The following KCNU1 variants were observed in gnomAD, a reference collection of about 807,000 sequenced individuals.
The protein encoded by KCNU1 is potassium calcium-activated channel subfamily U member 1.
KCNU1 carries 93 observed loss-of-function variants against 126.8 expected under a neutral mutation model. The ratio of observed to expected loss-of-function variants is 0.73; its 90% CI spans 0.62 to 0.87. The LOEUF (loss-of-function observed/expected upper bound fraction) is 0.87, where lower values mean the gene tolerates loss of function less well. Ranked by LOEUF, KCNU1 falls within the 40% of genes least tolerant of loss-of-function variation. The probability of loss-of-function intolerance (pLI) is 0.00; values close to 1 mark genes in which losing one functional copy is unlikely to be tolerated. For synonymous variants in KCNU1, 523 were observed against 494.2 expected (o/e 1.06, Z -0.77); for missense variants, 1,330 against 1,367.1 (o/e 0.97, Z 0.43).
intron 20 of KCNU1, among the ~76,000 whole-genome samples, chr8:36,908,756 T>A (rs571898553): frequency 6.6e-6 from 1 of 152,132 alleles, no homozygotes; most frequent in Non-Finnish European, 1.5e-5. Context: ...GTATATTCAA[T>A]TGAACCATAT....
At chr8:36,838,189 A>G (rs947164476) in intron 14 of KCNU1, among the ~76,000 whole-genome samples, 2 of 152,214 alleles carry the variant, frequency 1.3e-5, no homozygotes, top group African/African-American at 4.8e-5. Context: ...AGCCTAGAAA[A>G]TGGTTGATAA....
intron 19 of KCNU1, among the ~76,000 whole-genome samples, chr8:36,904,472 A>G (rs1307574011): frequency 6.6e-6 from 1 of 152,172 alleles, no homozygotes; most frequent in African/African-American, 2.4e-5. Flanking sequence ...TCAACAGTCT[A>G]TTCAAATGCC....
At chr8:36,862,968 C>G (rs946800089) in intron 18 of KCNU1, among the ~76,000 whole-genome samples, 1 of 152,084 alleles carries the variant, frequency 6.6e-6, no homozygotes, top group Non-Finnish European at 1.5e-5. Flanking sequence ...GCCATTCCCC[C>G]CAGGGCAAAA....
intron 24 of KCNU1, chr8:36,922,990 G>A (rs1302497625): frequency 2.1e-6 from 1 of 468,414 alleles, no homozygotes; most frequent in Non-Finnish European, 4.2e-6. Flanking sequence ...CAGCTCATGT[G>A]GAAATTGGCC....
intron 5 of KCNU1, among the ~76,000 whole-genome samples, chr8:36,806,592 T>A (rs1339893852): frequency 1.3e-5 from 2 of 152,186 alleles, no homozygotes; most frequent in Non-Finnish European, 2.9e-5. Context: ...TGTTCAATAG[T>A]TGTTGATAGA....
chr8:36,835,378 C>G (rs1585434506), intron 12 of KCNU1, among the ~76,000 whole-genome samples: 1 of 147,340 alleles, frequency 6.8e-6, no homozygotes. Flanking sequence ...GAGTTTTGCT[C>G]TTGTTGCCTG....
intron 19 of KCNU1, among the ~76,000 whole-genome samples, chr8:36,905,460 C>CAA (rs200274541): frequency 0.058 from 8,492 of 145,270 alleles, 267 homozygotes; most frequent in East Asian, 0.099. Context: ...TAATCTAAGG[C>CAA]AAAAAAAAAA....
At chr8:36,875,853 G>A (rs907875783) in intron 19 of KCNU1, among the ~76,000 whole-genome samples, 127 of 152,106 alleles carry the variant, frequency 8.3e-4, no homozygotes, top group African/African-American at 2.9e-3. Context: ...TAAATATCCA[G>A]AGACCTTCTT....
rs149168041 is a variant in KCNU1, at chr8:36,830,238, A to G, written c.1107-3316A>G. The stretch of plus-strand genomic sequence containing the variant: ...CTGAAATAGTATAATTATTGCTGAG[A>G]CATCAAATATAACGTTGAAAAAGAG... On this transcript the variant is annotated intron_variant, in intron 10 of 26. Coordinates refer to ENST00000399881, the MANE Select transcript of KCNU1 (RefSeq NM_001031836.3). 1.9e-3 allele frequency among the ~76,000 whole-genome samples: 291 copies of G among 151,662 alleles called. 2 individuals are homozygous for G. Among genetic ancestry groups the G allele is most frequent in the African/African-American group, 6.6e-3 (275 of 41,528 alleles).
At chr8:36,923,190 T>C (rs1009993011) in intron 24 of KCNU1, 3 of 410,578 alleles carry the variant, frequency 7.3e-6, no homozygotes, top group South Asian at 1.8e-5. Flanking sequence ...TTCCCCTGGG[T>C]GGAATTAATT....
chr8:36,852,677 T>G (rs1222980004), intron 18 of KCNU1, among the ~76,000 whole-genome samples: 1 of 152,192 alleles, frequency 6.6e-6, no homozygotes, highest in African/African-American at 2.4e-5. Context: ...TCTGATCATA[T>G]AAGTATACAT....
chr8:36,925,940 A>T (rs1283184326), intron 24 of KCNU1, among the ~76,000 whole-genome samples: 1 of 152,164 alleles, frequency 6.6e-6, no homozygotes, highest in Non-Finnish European at 1.5e-5. Context: ...TGACCCCTAC[A>T]GACCCCCAAG....
intron 15 of KCNU1, 116 bp from the exon 16 acceptor site, chr8:36,840,815 TG>T: frequency 2.6e-6 from 2 of 767,382 alleles, no homozygotes; most frequent in Non-Finnish European, 4.6e-6. Context: ...CATTCCACAT[TG>T]GGAGTTCTTT....
At chr8:36,925,852 C>T (rs1808513463) in intron 24 of KCNU1, among the ~76,000 whole-genome samples, 1 of 152,104 alleles carries the variant, frequency 6.6e-6, no homozygotes, top group Admixed American at 6.5e-5. Flanking sequence ...GGAGCATCTC[C>T]TGGCTGAGGG....
At chr8:36,933,746 T>C (rs1046917228) in intron 26 of KCNU1, among the ~76,000 whole-genome samples, 1 of 151,994 alleles carries the variant, frequency 6.6e-6, no homozygotes, top group South Asian at 2.1e-4. Flanking sequence ...TGGTCTTGAA[T>C]AGAAAAATAA....
In KCNU1 at chr8:36,787,392, GC is replaced by G. The variant is rs1260522505; in HGVS notation, c.283del (p.Leu95PhefsTer12). ...GQFRDHIEML[L>X]SAQTFVGQVL... is the part of the protein sequence containing the mutation. The stretch of plus-strand genomic sequence containing the variant: ...AATTTCGTGATCATATAGAAATGTT[GC>G]TTTCAGCCCAGACCTTTGTGGGGCA... On this transcript the variant is annotated frameshift_variant, in exon 2 of 27. Coordinates refer to ENST00000399881, the MANE Select transcript of KCNU1 (RefSeq NM_001031836.3). LOFTEE classifies it high-confidence loss of function. 19 of 1,612,032 alleles carry G rather than the reference GC, an allele frequency of 1.2e-5. No individual in the cohort carries two copies. Among genetic ancestry groups the G allele is most frequent in the Non-Finnish European group, 1.6e-5 (19 of 1,178,942 alleles).
intron 22 of KCNU1, among the ~76,000 whole-genome samples, chr8:36,914,828 A>C (rs972573178): frequency 6.6e-6 from 1 of 152,246 alleles, no homozygotes; most frequent in African/African-American, 2.4e-5. Context: ...TGCTACTGAA[A>C]TTTAAATGTA....
chr8:36,834,718 G>T, intron 11 of KCNU1, 68 bp from the exon 12 acceptor site: 2 of 984,862 alleles, frequency 2.0e-6, no homozygotes, highest in Non-Finnish European at 3.1e-6. Context: ...TAGAAAACCC[G>T]AAAGGGGAAG....
intron 18 of KCNU1, among the ~76,000 whole-genome samples, chr8:36,858,546 A>C (rs1805616299): frequency 6.6e-6 from 1 of 152,170 alleles, no homozygotes; most frequent in Non-Finnish European, 1.5e-5. Context: ...ATAGGCCTTT[A>C]AACACAGTGT....
Sources: allele counts gnomAD v4.1 joint callset (sites outside exome capture counted in the v4.1 genomes callset), GRCh38; gene constraint gnomAD v4.1.1; transcripts MANE v1.5; gene names NCBI Gene and HGNC (gene_info 2026-07-23, HGNC 2026-07-21).